TMEM132B: variants seen among roughly 807,000 people sequenced by gnomAD.
The protein encoded by TMEM132B is transmembrane protein 132B.
In TMEM132B, 18 loss-of-function variants were observed where a neutral mutation model predicts 90.8. The observed-to-expected ratio is 0.20, with a 90% CI of 0.14 to 0.29. The LOEUF is 0.29. Ranked by LOEUF, TMEM132B falls within the 10% of genes least tolerant of loss-of-function variation. The probability of loss-of-function intolerance (pLI) is 1.00; values close to 1 mark genes in which losing one functional copy is unlikely to be tolerated. For missense variants in TMEM132B, 1,096 were observed against 1,326.8 expected (o/e 0.83, Z 2.70); for synonymous variants, 504 against 523.3 (o/e 0.96, Z 0.50).
At chr12:125,309,431 C>G (rs185665280) in intron 1 of TMEM132B, among the ~76,000 whole-genome samples, 2 of 152,250 alleles carry the variant, frequency 1.3e-5, no homozygotes, top group Admixed American at 1.3e-4. Context: ...ACTTTAGAAT[C>G]TTAATTATTT....
chr12:125,548,747 CAT>C (rs759416774), intron 4 of TMEM132B, among the ~76,000 whole-genome samples: 2 of 152,266 alleles, frequency 1.3e-5, no homozygotes, highest in South Asian at 4.1e-4. Context: ...GAGGAGTTGA[CAT>C]GGTTTATGTT....
At chr12:125,345,448 G>A (rs993300386) in intron 1 of TMEM132B, among the ~76,000 whole-genome samples, 2 of 152,156 alleles carry the variant, frequency 1.3e-5, no homozygotes, top group African/African-American at 4.8e-5. Flanking sequence ...AATGTTTTTT[G>A]TGTGCTAAGC....
chr12:125,470,760 G>A (rs1881694094), intron 3 of TMEM132B, among the ~76,000 whole-genome samples: 2 of 152,274 alleles, frequency 1.3e-5, no homozygotes, highest in Admixed American at 1.3e-4. Flanking sequence ...CCTCACTCCT[G>A]GGCTCACTGA....
chr12:125,515,616 TCA>T (rs144563990), intron 3 of TMEM132B, among the ~76,000 whole-genome samples: 6,935 of 149,446 alleles, frequency 0.046, 219 homozygotes, highest in South Asian at 0.15. Flanking sequence ...CAACACATAT[TCA>T]CACATTTAGT....
intron 1 of TMEM132B, among the ~76,000 whole-genome samples, chr12:125,346,631 A>G (rs1341105745): frequency 6.6e-6 from 1 of 152,250 alleles, no homozygotes; most frequent in African/African-American, 2.4e-5. Flanking sequence ...CGACATTGTC[A>G]AAATACAGAT....
chr12:125,313,928 G>T (rs1385718991), intron 1 of TMEM132B, among the ~76,000 whole-genome samples: 1 of 151,624 alleles, frequency 6.6e-6, no homozygotes, highest in Admixed American at 6.6e-5. Context: ...AAAGTGTCTG[G>T]CCAGCCGTCC....
At chr12:125,391,136 A>G (rs953825419) in intron 2 of TMEM132B, among the ~76,000 whole-genome samples, 5 of 151,838 alleles carry the variant, frequency 3.3e-5, no homozygotes, top group Non-Finnish European at 5.9e-5. Context: ...GTGTTCCTGG[A>G]CGGAGAAAAA....
At chr12:125,378,145 G>C (rs1214985407) in intron 2 of TMEM132B, among the ~76,000 whole-genome samples, 1 of 152,154 alleles carries the variant, frequency 6.6e-6, no homozygotes, top group Non-Finnish European at 1.5e-5. Flanking sequence ...TGGGAGGGAT[G>C]CTGGTGTTGG....
At chr12:125,305,988 A>T (rs1482964875) in intron 1 of TMEM132B, among the ~76,000 whole-genome samples, 1 of 152,200 alleles carries the variant, frequency 6.6e-6, no homozygotes, top group Non-Finnish European at 1.5e-5. Context: ...GCTTTGTGCT[A>T]CAGCTGTTGT....
intron 1 of TMEM132B, among the ~76,000 whole-genome samples, chr12:125,250,186 G>A (rs1874288572): frequency 6.6e-6 from 1 of 152,364 alleles, no homozygotes; most frequent in East Asian, 1.9e-4. Flanking sequence ...GATCTGGGCG[G>A]CACACCCCAG....
chr12:125,399,659 C>A (rs1879259948), intron 2 of TMEM132B, among the ~76,000 whole-genome samples: 1 of 152,028 alleles, frequency 6.6e-6, no homozygotes, highest in Non-Finnish European at 1.5e-5. Flanking sequence ...TTTTGAGTCA[C>A]CAGTTTGTGG....
chr12:125,234,083 C>T (rs916313841), intron 1 of TMEM132B, among the ~76,000 whole-genome samples: 7 of 152,182 alleles, frequency 4.6e-5, no homozygotes, highest in African/African-American at 1.7e-4. Flanking sequence ...ACTCTCATAG[C>T]ACAGCTCCTG....
chr12:125,567,991 G>A (rs1884700698), intron 4 of TMEM132B, among the ~76,000 whole-genome samples: 1 of 152,108 alleles, frequency 6.6e-6, no homozygotes, highest in Non-Finnish European at 1.5e-5. Context: ...GCCAGCCCAG[G>A]GTCTAACCTT....
intron 1 of TMEM132B, among the ~76,000 whole-genome samples, chr12:125,299,263 C>T (rs1245022071): frequency 6.6e-6 from 1 of 152,200 alleles, no homozygotes; most frequent in African/African-American, 2.4e-5. Context: ...CTCTCCAACA[C>T]TCGGGTCTGT....
chr12:125,551,604 A>T (rs1182182943), intron 4 of TMEM132B, among the ~76,000 whole-genome samples: 28 of 139,198 alleles, frequency 2.0e-4, no homozygotes, highest in Admixed American at 1.3e-3. Flanking sequence ...TTTTTTTTTT[A>T]AACAAGATGA....
Position 125,303,598 on chromosome 12 carries a change from C to T in TMEM132B, c.68-45854C>T, listed in dbSNP as rs1344123253. ...CAGCAGCTGCACCATTTTATATTTT[C>T]GCCAGCAATCTGTAAGGGTTCCAAT... On this transcript the variant is annotated intron_variant, in intron 1 of 8. Transcript: ENST00000682704. Among the ~76,000 whole-genome samples, 8 of 152,188 alleles carry T rather than the reference C, an allele frequency of 5.3e-5. No homozygotes were observed. In the East Asian group the frequency reaches 7.7e-4, roughly 15 times the overall value.
rs539512401 is a variant in TMEM132B, at chr12:125,314,466, C to T, written c.68-34986C>T. 1.0e-3 allele frequency among the ~76,000 whole-genome samples: 159 copies of T among 152,272 alleles called. 1 individual carries two copies. Among genetic ancestry groups the T allele is most frequent in the African/African-American group, 3.7e-3 (155 of 41,554 alleles). On this transcript the variant is annotated intron_variant, in intron 1 of 8. Coordinates refer to ENST00000682704, the MANE Select transcript of TMEM132B (RefSeq NM_001366854.1). ...GGCGAGGAACAGGGGAAAAGTGTTC[C>T]TGTGGGCCCCAGAGGTGGTGCTGGG...
chr12:125,596,343 C>T (rs1333540336), intron 5 of TMEM132B, among the ~76,000 whole-genome samples: 6 of 152,200 alleles, frequency 3.9e-5, no homozygotes, highest in Non-Finnish European at 8.8e-5. Flanking sequence ...CAAATGTGTG[C>T]TTCTCTTTTC....
intron 1 of TMEM132B, among the ~76,000 whole-genome samples, chr12:125,286,825 T>G (rs1875370513): frequency 6.6e-6 from 1 of 152,090 alleles, no homozygotes; most frequent in Non-Finnish European, 1.5e-5. Context: ...TGCCTCAGCC[T>G]ACCGAGTAGC....
Sources: gnomAD v4.1 joint callset for allele counts (sites outside exome capture counted in the v4.1 genomes callset) on GRCh38, gnomAD v4.1.1 for gene constraint, MANE v1.5 for transcripts, NCBI Gene and HGNC (gene_info 2026-07-23, HGNC 2026-07-21) for gene names.